The following LARP1 variants were observed in gnomAD, a reference collection of about 807,000 sequenced individuals.
The protein encoded by LARP1 is La ribonucleoprotein 1, translational regulator, also known as la-related protein 1.
In LARP1, 36 loss-of-function variants were observed where a neutral mutation model predicts 122.7. The ratio of observed to expected loss-of-function variants is 0.29; its 90% CI spans 0.22 to 0.39. LARP1 has a LOEUF of 0.39. Among genes scored for constraint, LARP1 ranks in the 10% least tolerant of loss-of-function variants. The probability of loss-of-function intolerance (pLI) is 1.00; values close to 1 mark genes in which losing one functional copy is unlikely to be tolerated. For synonymous variants in LARP1, 539 were observed against 528.7 expected (o/e 1.02, Z -0.27); for missense variants, 1,040 against 1,403.6 (o/e 0.74, Z 4.14).
intron 1 of LARP1, among the ~76,000 whole-genome samples, chr5:154,688,436 G>A (rs1754038604): frequency 6.6e-6 from 1 of 151,990 alleles, no homozygotes. Context: ...GATCACGTGA[G>A]GCCAAGAGTT....
chr5:154,793,961 C>T lies in LARP1; in HGVS notation c.1030C>T (p.Arg344Cys), dbSNP rs1371844980. The change falls in exon 6 of 19, where the codon CGT (arginine) becomes TGT (cysteine). Residue 344 changes from arginine (R) to cysteine (C), a missense_variant. Coordinates refer to ENST00000518297, the MANE Select transcript of LARP1 (RefSeq NM_033551.3). ...RASFRGRGRG[R>C]GRGRGRGRGG... Reference sequence around the variant, plus strand: ...TTCCTTCCGTGGCCGTGGACGGGGGCGTGGTCGCGGCCGGGGACGCGGCCG... The same window carrying T: ...TTCCTTCCGTGGCCGTGGACGGGGGTGTGGTCGCGGCCGGGGACGCGGCCG... 1.2e-5 allele frequency: 20 copies of T among 1,611,836 alleles called. No homozygotes were observed. The highest frequency in any genetic ancestry group is 4.5e-5 in the East Asian group (2 of 44,806).
At chr5:154,785,556 A>C (rs1756812274) in intron 1 of LARP1, among the ~76,000 whole-genome samples, 1 of 152,190 alleles carries the variant, frequency 6.6e-6, no homozygotes, top group South Asian at 2.1e-4. Flanking sequence ...AATTTTACAG[A>C]GGAAGGTGAA....
chr5:154,760,235 G>T (rs190991755), intron 1 of LARP1, among the ~76,000 whole-genome samples: 1 of 152,164 alleles, frequency 6.6e-6, no homozygotes, highest in Non-Finnish European at 1.5e-5. Context: ...GAGCCACCGC[G>T]CCCGGCCCTA....
intron 8 of LARP1, among the ~76,000 whole-genome samples, chr5:154,795,932 A>G (rs1401156105): frequency 1.8e-4 from 22 of 119,240 alleles, no homozygotes; most frequent in African/African-American, 6.8e-4. Flanking sequence ...TTATATTTAT[A>G]TATTATATAT....
At chr5:154,755,231 C>A (rs1023284259), upstream of LARP1, among the ~76,000 whole-genome samples, 478 of 113,530 alleles carry the variant, frequency 4.2e-3, 3 homozygotes, top group African/African-American at 0.016. Flanking sequence ...CCGCCTCCTG[C>A]CCGCCCGTCG....
chr5:154,783,358 A>G (rs544140445), intron 1 of LARP1, among the ~76,000 whole-genome samples: 22 of 152,274 alleles, frequency 1.4e-4, no homozygotes, highest in South Asian at 6.2e-4. Context: ...CTCTCTGGGT[A>G]GGGAAACTAG....
rs1467538891 is a variant in LARP1 at position 154,755,744 on chromosome 5, G to T, written c.-14G>T. ...TCGGGCGCGCCCGGCTTCTCCGGGG[G>T]GGCGGGCGCGCAGATGGCCACTCAG... On this transcript the variant is annotated 5_prime_UTR_variant, in exon 1 of 19. Transcript: ENST00000518297. 2 of 987,340 alleles carry T rather than the reference G, an allele frequency of 2.0e-6. No individual in the cohort carries two copies. Among genetic ancestry groups the T allele is most frequent in the African/African-American group, 3.5e-5 (2 of 57,192 alleles). The allele number at this position is 987,340 out of a possible 1,614,324, so 61.2% of individuals were successfully genotyped here. A position where few individuals can be genotyped will look rare whatever the true frequency, so the allele number is the denominator to read the frequency against.
chr5:154,694,161 C>A (rs1402744613), intron 1 of LARP1, among the ~76,000 whole-genome samples: 1 of 152,012 alleles, frequency 6.6e-6, no homozygotes, highest in African/African-American at 2.4e-5. Context: ...TTTAAAGAGA[C>A]CTAATAGTCT....
intron 1 of LARP1, among the ~76,000 whole-genome samples, chr5:154,715,013 A>C (rs1046753430): frequency 2.0e-5 from 3 of 151,910 alleles, no homozygotes; most frequent in African/African-American, 4.8e-5. Context: ...CTCCGTCTCT[A>C]CTAAAAATAC....
intron 1 of LARP1, among the ~76,000 whole-genome samples, chr5:154,715,490 G>A (rs757301829): frequency 2.6e-5 from 4 of 151,950 alleles, no homozygotes; most frequent in Non-Finnish European, 4.4e-5. Context: ...TGATCTGCCC[G>A]CCTCGGCTTC....
Position 154,802,821 on chromosome 5 carries a change from A to T in LARP1, c.2109+422A>T, listed in dbSNP as rs1758453280. On this transcript the variant is annotated intron_variant, in intron 11 of 18. Transcript: ENST00000518297. The surrounding 1 kb of genome is among the most constrained non-coding windows in gnomAD (Gnocchi z 5.1). ...TTTTGAAAAATTGCTGCTGCCTGGA[A>T]ATAGTCAAAACATCTCTGTTGTGGG... Among the ~76,000 whole-genome samples, 2 of 152,222 alleles carry T rather than the reference A, an allele frequency of 1.3e-5. No homozygotes were observed.
chr5:154,804,423 A>T, intron 14 of LARP1, 116 bp downstream of exon 14: 1 of 786,130 alleles, frequency 1.3e-6, no homozygotes, highest in Non-Finnish European at 2.1e-6. Context: ...CTCATCTAAG[A>T]GGTTTTCAAA....
Position 154,790,751 on chromosome 5 carries a change from G to A in LARP1, c.564+41G>A, listed in dbSNP as rs1164998670. The A allele has an allele frequency of 1.9e-6, 3 of 1,547,986 alleles. No homozygotes were observed. The Admixed American group carries it at 5.0e-5, about 26-fold the overall frequency. ...AGAATAGGCAGGTTTGAAGTCTCTT[G>A]ACATACACACATTTAGCTCCTCAAG... is the stretch of plus-strand genomic sequence containing the variant. On this transcript the variant is annotated intron_variant, in intron 3 of 18. Transcript: ENST00000518297.
At chr5:154,733,872 A>AT (rs988264902) in intron 1 of LARP1, among the ~76,000 whole-genome samples, 13 of 152,006 alleles carry the variant, frequency 8.6e-5, no homozygotes, top group South Asian at 2.1e-4. Context: ...CATAACCTCT[A>AT]TTTTTTTGTC....
At chr5:154,763,039 TCTG>T (rs2113605931) in intron 1 of LARP1, among the ~76,000 whole-genome samples, 1 of 151,820 alleles carries the variant, frequency 6.6e-6, no homozygotes, top group Non-Finnish European at 1.5e-5. Flanking sequence ...GCCCAAGTGA[TCTG>T]CTGAGCAGAT....
At chr5:154,712,452 C>T (rs1755264954), upstream of LARP1, among the ~76,000 whole-genome samples, 1 of 152,180 alleles carries the variant, frequency 6.6e-6, no homozygotes, top group Non-Finnish European at 1.5e-5. Context: ...ACTGGACAAG[C>T]CACTTCACCC....
intron 1 of LARP1, among the ~76,000 whole-genome samples, chr5:154,780,411 C>T (rs1756327357): frequency 1.3e-5 from 2 of 152,170 alleles, no homozygotes; most frequent in African/African-American, 4.8e-5. Flanking sequence ...GGGAACAGTT[C>T]CTGTGACACT....
At chr5:154,764,905 A>C (rs1234725807) in intron 1 of LARP1, among the ~76,000 whole-genome samples, 3 of 97,346 alleles carry the variant, frequency 3.1e-5, no homozygotes, top group East Asian at 6.2e-4. Flanking sequence ...ACTCCATCAC[A>C]AAAAAAAAAA....
chr5:154,735,448 G>C (rs1756825918), intron 1 of LARP1, among the ~76,000 whole-genome samples: 1 of 150,574 alleles, frequency 6.6e-6, no homozygotes, highest in Non-Finnish European at 1.5e-5. Flanking sequence ...GCGAGACTCT[G>C]TCTCAAAAAA....
Sources: allele counts gnomAD v4.1 joint callset (sites outside exome capture counted in the v4.1 genomes callset), GRCh38; gene constraint gnomAD v4.1.1; non-coding constraint Gnocchi (gnomAD v3.1); transcripts MANE v1.5; gene names NCBI Gene and HGNC (gene_info 2026-07-23, HGNC 2026-07-21).